JAG2: variants seen among roughly 807,000 people sequenced by gnomAD.
JAG2 encodes the protein protein jagged-2.
Under a neutral mutation model 141.7 loss-of-function variants are expected in JAG2, and 46 were observed. The ratio of observed to expected loss-of-function variants is 0.32; its 90% CI spans 0.26 to 0.42. The LOEUF (loss-of-function observed/expected upper bound fraction) is 0.42, where lower values mean the gene tolerates loss of function less well. Among genes scored for constraint, JAG2 ranks in the 10% least tolerant of loss-of-function variants. JAG2 has a pLI of 1.00. For synonymous variants in JAG2, 862 were observed against 763.5 expected, an observed-to-expected ratio of 1.13 and a Z score of -2.13; for missense variants, 1,500 against 1,817.5, an observed-to-expected ratio of 0.83 and a Z score of 3.18.
rs780622575 is a variant in JAG2 at position 105,148,761 on chromosome 14, G to A, written c.2004C>T (p.Gly668=). ...AACACTCACTGGTGTCGCAGAGCTCGCCCTCCCAGCCGCTGGGGCAGAAGC... is the reference window on the plus strand; with the variant it reads ...AACACTCACTGGTGTCGCAGAGCTCACCCTCCCAGCCGCTGGGGCAGAAGC... ...FRCFCPSGWE[G]ELCDTNPNDC... The change falls in exon 15 of 26, where the codon GGC becomes GGT. Residue 668 remains glycine (G), a synonymous_variant. Transcript: ENST00000331782. The A allele has an allele frequency of 3.8e-6, 6 of 1,575,350 alleles. No individual in the cohort carries two copies. Among genetic ancestry groups the A allele is most frequent in the African/African-American group, 2.7e-5 (2 of 74,280 alleles).
Position 105,148,245 on chromosome 14 carries a change from C to G in JAG2, c.2135-16G>C, listed in dbSNP as rs752235564. 42 of 1,566,598 alleles carry G rather than the reference C, an allele frequency of 2.7e-5. No homozygotes were observed. In the East Asian group the frequency reaches 9.8e-4, roughly 37 times the overall value. ...TGGAACTCGCCTGTTGGCACATGGG[C>G]CGCTCAGCAGGCAGGCCCCAGACCG... On this transcript the variant is annotated splice_polypyrimidine_tract_variant and intron_variant, in intron 16 of 25. Coordinates refer to ENST00000331782, the MANE Select transcript of JAG2 (RefSeq NM_002226.5).
chr14:105,146,002 CGCAGGCGCACAGGAGGGTCAGAT>C (rs1241835847), intron 22 of JAG2, 29 bp from the exon 23 acceptor site: 10 of 1,585,394 alleles, frequency 6.3e-6, no homozygotes, highest in Non-Finnish European at 8.5e-6. Flanking sequence ...GAGGGTCAGG[CGCAGGCGCACAGGAGGGTCAGAT>C]GCAGGCACAC....
At position 105,142,732 on chromosome 14, in the gene JAG2, C is replaced by T; in HGVS notation, c.3680G>A (p.Arg1227Lys). The T allele has an allele frequency of 6.2e-7, 1 of 1,608,400 alleles. No individual in the cohort carries two copies. Among genetic ancestry groups the T allele is most frequent in the Non-Finnish European group, 8.5e-7 (1 of 1,178,052 alleles). Reference protein sequence around the residue: ...SGPKVDNRAVRSINEARYAGK... With the variant: ...SGPKVDNRAVKSINEARYAGK... ...GGCGTAGCGGGCCTCATTGATGCTC[C>T]TGACCGCGCGGTTGTCCACTTTGGG... The change falls in exon 26 of 26, where the codon AGG becomes AAG. Residue 1227 changes from arginine to lysine, a missense_variant. Physicochemically the swap from Arg to Lys is conservative, Grantham distance 26. Coordinates refer to ENST00000331782, the MANE Select transcript of JAG2 (RefSeq NM_002226.5).
intron 1 of JAG2, 33 bp downstream of exon 1, chr14:105,168,322 C>T: frequency 1.3e-6 from 1 of 763,874 alleles, no homozygotes; most frequent in Non-Finnish European, 1.6e-6. Context: ...GTGCCCCGTC[C>T]GCGACCCCCG....
At position 105,144,951 on chromosome 14, in the gene JAG2, G is replaced by A. The variant is rs775980932; in HGVS notation, c.3063C>T (p.Ala1021=). 1.2e-6 allele frequency: 2 copies of A among 1,601,196 alleles called. No individual in the cohort carries two copies. Among genetic ancestry groups the A allele is most frequent in the Admixed American group, 3.4e-5 (2 of 59,202 alleles). Residue 1021 remains alanine, a synonymous_variant, in exon 24 of 26, where the codon GCC becomes GCT. Transcript: ENST00000331782. The part of the protein sequence containing the change: ...VLLCDRASSG[A]SAVEVAVSFS... ...TCACCACGGCCACCTCCACAGCACTGGCCCCCGAGGACGCCCGGTCGCAAA... is the reference window on the plus strand; with the variant it reads ...TCACCACGGCCACCTCCACAGCACTAGCCCCCGAGGACGCCCGGTCGCAAA...
At chr14:105,166,164 G>A (rs587754658) in intron 2 of JAG2, among the ~76,000 whole-genome samples, 4 of 152,334 alleles carry the variant, frequency 2.6e-5, no homozygotes, top group South Asian at 2.1e-4. Flanking sequence ...CCCAGTGCCC[G>A]GACTCCAAGG....
chr14:105,150,790 G>A lies in JAG2; in HGVS notation c.1429-13C>T. On this transcript the variant is annotated splice_polypyrimidine_tract_variant and intron_variant, in intron 11 of 25. Coordinates refer to ENST00000331782, the MANE Select transcript of JAG2 (RefSeq NM_002226.5). ...CGTTCACCAGGTCCTGGGCGGGCCA[G>A]CCAGGTGAGCGTCCCGCAGGCACCC... is the stretch of plus-strand genomic sequence containing the variant. The A allele has an allele frequency of 6.3e-7, 1 of 1,582,104 alleles. No individual in the cohort carries two copies. The highest frequency in any genetic ancestry group is 8.6e-7 in the Non-Finnish European group (1 of 1,164,644).
chr14:105,162,685 A>AGACCCAGGGCACCCCAGTTCCAG (rs1566770206), intron 2 of JAG2, among the ~76,000 whole-genome samples: 9 of 51,084 alleles, frequency 1.8e-4, no homozygotes, highest in African/African-American at 5.8e-4. Flanking sequence ...CTCAGGTCCA[A>AGACCCAGGGCACCCCAGTTCCAG]GGCACCCAAA....
At chr14:105,166,068 A>G (rs1384897964) in intron 2 of JAG2, among the ~76,000 whole-genome samples, 1 of 152,150 alleles carries the variant, frequency 6.6e-6, no homozygotes, top group Admixed American at 6.5e-5. Flanking sequence ...CTGGCCCCCA[A>G]CCCAGAGACA....
rs191515559 is a variant in JAG2 at position 105,161,365 on chromosome 14, G to A, written c.418-3602C>T. Among the ~76,000 whole-genome samples, 13 of 152,250 alleles carry A rather than the reference G, an allele frequency of 8.5e-5. No individual in the cohort carries two copies. The East Asian group carries it at 1.7e-3, about 20-fold the overall frequency. On this transcript the variant is annotated intron_variant, in intron 2 of 25. Transcript: ENST00000331782. ...TGGGTCTGAGAGCAGCTCTGGCCAC[G>A]GGGCAGGCAGAGAAAAGCCAGGCCA...
At chr14:105,168,313 T>G in intron 1 of JAG2, 42 bp downstream of exon 1, 1 of 696,218 alleles carries the variant, frequency 1.4e-6, no homozygotes, top group Non-Finnish European at 1.8e-6. Flanking sequence ...CGGCCCGGTG[T>G]GCCCCGTCCG....
intron 2 of JAG2, among the ~76,000 whole-genome samples, chr14:105,163,637 G>A (rs1358671342): frequency 6.7e-6 from 1 of 150,366 alleles, no homozygotes; most frequent in Non-Finnish European, 1.5e-5. Context: ...TTGAGGACAG[G>A]GACTCCGCTC....
chr14:105,149,177 G>T lies in JAG2; in HGVS notation c.1746C>A (p.Ala582=). Residue 582 remains alanine, a synonymous_variant, in exon 13 of 26, where the codon GCC becomes GCA. Transcript: ENST00000331782. Reference sequence around the variant, plus strand: ...CCATGCCGCACCCAGCACCTCTGCAGGCCCCGCCAGGGCACGGCTCGCGGG... The same window carrying T: ...CCATGCCGCACCCAGCACCTCTGCATGCCCCGCCAGGGCACGGCTCGCGGG... ...SVPREPCPGG[A]CRVIDGCGSD... 6.5e-7 allele frequency: 1 copy of T among 1,540,062 alleles called. No homozygotes were observed. Among genetic ancestry groups the T allele is most frequent in the Non-Finnish European group, 8.8e-7 (1 of 1,140,834 alleles).
chr14:105,151,619 C>CA lies in JAG2; in HGVS notation c.1153+6dup, dbSNP rs1888434913. 2 of 1,597,230 alleles carry CA rather than the reference C, an allele frequency of 1.3e-6. No individual in the cohort carries two copies. The highest frequency in any genetic ancestry group is 1.7e-5 in the Admixed American group (1 of 57,732). On this transcript the variant is annotated splice_region_variant and intron_variant, in intron 8 of 25. Transcript: ENST00000331782. ...CAGGAGTCCCCTACTCACGTGCAGA[C>CA]ACTCACCAAGGGCACAGGTGGGCCC...
At chr14:105,155,646 G>A in intron 4 of JAG2, 24 bp from the exon 5 acceptor site, 2 of 1,612,470 alleles carry the variant, frequency 1.2e-6, no homozygotes, top group African/African-American at 1.3e-5. Context: ...GGAGCGAGAG[G>A]CACAGCTGCA....
chr14:105,168,334 C>T, intron 1 of JAG2, 21 bp downstream of exon 1: 4 of 821,396 alleles, frequency 4.9e-6, no homozygotes, highest in Non-Finnish European at 6.0e-6. Flanking sequence ...CGACCCCCGC[C>T]GCCCCCGCCG....
At chr14:105,158,636 T>C (rs144679367) in intron 2 of JAG2, among the ~76,000 whole-genome samples, 3 of 152,078 alleles carry the variant, frequency 2.0e-5, no homozygotes, top group African/African-American at 7.2e-5. Flanking sequence ...TGCCCTGTAC[T>C]ACCCAGCACT....
intron 5 of JAG2, 89 bp downstream of exon 5, chr14:105,155,473 G>T: frequency 1.4e-6 from 2 of 1,477,196 alleles, no homozygotes; most frequent in Non-Finnish European, 9.4e-7. Context: ...AGCCAGCTCC[G>T]GGCGACTCCT....
chr14:105,168,017 C>A lies in JAG2; in HGVS notation c.157G>T (p.Asp53Tyr). ...ELLSGACCDG[D>Y]GRTTRAGGCG... ...CCCCCCGCGCGCGTTGTCCGGCCGT[C>A]GCCGTCACAGCAGGCGCCGCTCAGC... The change falls in exon 2 of 26, where the codon GAC becomes TAC. Residue 53 changes from aspartate to tyrosine, a missense_variant. By Grantham distance (160) the Asp-to-Tyr change is radical. Transcript: ENST00000331782. The A allele has an allele frequency of 6.3e-7, 1 of 1,598,704 alleles. No individual in the cohort carries two copies. The highest frequency in any genetic ancestry group is 8.5e-7 in the Non-Finnish European group (1 of 1,177,120).
Sources: allele counts gnomAD v4.1 joint callset (sites outside exome capture counted in the v4.1 genomes callset), GRCh38; gene constraint gnomAD v4.1.1; transcripts MANE v1.5; gene names NCBI Gene and HGNC (gene_info 2026-07-23, HGNC 2026-07-21).